The following DGKK variants were observed in gnomAD, a reference collection of about 807,000 sequenced individuals.
DGKK encodes diacylglycerol kinase kappa.
In DGKK, 35 loss-of-function variants were observed where a neutral mutation model predicts 92.2. The observed-to-expected ratio is 0.38, with a 90% confidence interval of 0.29 to 0.50. The LOEUF is 0.50. DGKK is among the 20% of genes least tolerant of loss of function. The pLI is 0.92. For missense variants in DGKK, 910 were observed against 992.2 expected, an observed-to-expected ratio of 0.92 and a Z score of 1.11; for synonymous variants, 368 against 360.6, an observed-to-expected ratio of 1.02 and a Z score of -0.23.
At chrX:50,426,379 T>C (rs1276386252) in intron 1 of DGKK, among the ~76,000 whole-genome samples, 5 of 112,369 alleles carry the variant, frequency 4.4e-5, no homozygotes, top group Non-Finnish European at 9.4e-5. Context: ...CAAAAATCTT[T>C]CAATTTATAA....
intron 10 of DGKK, among the ~76,000 whole-genome samples, 171 bp downstream of exon 10, chrX:50,392,170 G>A (rs1557225611): frequency 8.9e-6 from 1 of 112,493 alleles, no homozygotes; most frequent in Non-Finnish European, 1.9e-5. Flanking sequence ...CCAGAAAACA[G>A]TGTAGATGAG....
chrX:50,374,788 A>G (rs1405357369), intron 25 of DGKK, among the ~76,000 whole-genome samples, 183 bp downstream of exon 25: 1 of 111,222 alleles, frequency 9.0e-6, no homozygotes, highest in Non-Finnish European at 1.9e-5. Flanking sequence ...GTCCCTGTGG[A>G]TTAGCATAAC....
intron 1 of DGKK, among the ~76,000 whole-genome samples, chrX:50,427,621 A>C (rs905260011): frequency 9.6e-6 from 1 of 104,648 alleles, no homozygotes; most frequent in Admixed American, 1.0e-4. Context: ...TGATTGTCTC[A>C]GGACCTTGGT....
chrX:50,431,484 G>A (rs191340629), intron 1 of DGKK, among the ~76,000 whole-genome samples: 128 of 111,671 alleles, frequency 1.1e-3, no homozygotes, highest in African/African-American at 4.0e-3. Flanking sequence ...CTGCTCTTCC[G>A]TTTTAATTTC....
At chrX:50,370,573 C>G (rs376700599) in intron 26 of DGKK, 24 bp from the exon 27 acceptor site, 95 of 1,183,048 alleles carry the variant, frequency 8.0e-5, no homozygotes, top group Non-Finnish European at 1.0e-4. Flanking sequence ...AGAGGAAGGT[C>G]AAAATGTTAG....
chrX:50,439,709 C>T (rs1557231125), intron 1 of DGKK, among the ~76,000 whole-genome samples: 2 of 111,024 alleles, frequency 1.8e-5, no homozygotes. Context: ...TGGATTAGTC[C>T]ATGCAAGCAC....
At chrX:50,409,340 C>T (rs782697462) in intron 4 of DGKK, among the ~76,000 whole-genome samples, 1 of 110,499 alleles carries the variant, frequency 9.0e-6, no homozygotes, top group Non-Finnish European at 1.9e-5. Context: ...AAAATCCTCC[C>T]CTAAATCTTA....
chrX:50,370,371 A>G, intron 27 of DGKK, 55 bp downstream of exon 27: 1 of 1,149,363 alleles, frequency 8.7e-7, no homozygotes, highest in Non-Finnish European at 1.2e-6. Flanking sequence ...CCTGGGAGGT[A>G]GCCAGGCTGT....
At chrX:50,460,872 G>T (rs1557233274) in intron 1 of DGKK, among the ~76,000 whole-genome samples, 2 of 103,935 alleles carry the variant, frequency 1.9e-5, no homozygotes, top group African/African-American at 7.2e-5. Context: ...GTAACTTCTT[G>T]TTAAAGAGAC....
At chrX:50,429,738 C>A (rs1028819951) in intron 1 of DGKK, among the ~76,000 whole-genome samples, 16 of 112,613 alleles carry the variant, frequency 1.4e-4, no homozygotes, top group African/African-American at 5.2e-4. Context: ...CATACTAGAA[C>A]TCTTAATGAG....
At chrX:50,392,301 C>T in intron 10 of DGKK, 40 bp downstream of exon 10, 1 of 1,085,578 alleles carries the variant, frequency 9.2e-7, no homozygotes, top group Non-Finnish European at 1.3e-6. Flanking sequence ...CACCCCTACT[C>T]TTTCTAGCAA....
At chrX:50,379,553 G>A in intron 20 of DGKK, 74 bp downstream of exon 20, 1 of 894,552 alleles carries the variant, frequency 1.1e-6, no homozygotes, top group South Asian at 2.1e-5. Context: ...ACTTCAGTTA[G>A]CACAATGCTT....
chrX:50,375,071 A>T lies in DGKK; in HGVS notation c.3415-14T>A. ...TCTGCTTAGAGTCTGAGAGGAAAAG[A>T]ACGGAAAAGGAGAGAAAAAGACAAA... On this transcript the variant is annotated splice_polypyrimidine_tract_variant and intron_variant, in intron 24 of 27. Coordinates refer to ENST00000611977, the MANE Select transcript of DGKK (RefSeq NM_001013742.4). The T allele has an allele frequency of 8.5e-7, 1 of 1,170,166 alleles. No homozygotes were observed. Among genetic ancestry groups the T allele is most frequent in the Non-Finnish European group, 1.2e-6 (1 of 860,552 alleles).
At chrX:50,451,268 C>T (rs1241701547) in intron 1 of DGKK, among the ~76,000 whole-genome samples, 1 of 111,305 alleles carries the variant, frequency 9.0e-6, no homozygotes, top group Non-Finnish European at 1.9e-5. Flanking sequence ...GTGAAAAGAG[C>T]TTCTTTCAGG....
intron 1 of DGKK, among the ~76,000 whole-genome samples, chrX:50,441,682 T>C (rs1210245888): frequency 1.8e-5 from 2 of 111,702 alleles, no homozygotes; most frequent in Non-Finnish European, 3.8e-5. Context: ...TAGATACACT[T>C]AGAGAGTGCT....
chrX:50,445,125 T>A (rs1388158806), intron 1 of DGKK, among the ~76,000 whole-genome samples: 101 of 103,820 alleles, frequency 9.7e-4, no homozygotes, highest in African/African-American at 3.4e-3. Context: ...TGCCCACTTT[T>A]TTTTTTTTTT....
chrX:50,465,094 T>C (rs1557233835), intron 1 of DGKK, among the ~76,000 whole-genome samples: 1 of 111,853 alleles, frequency 8.9e-6, no homozygotes, highest in African/African-American at 3.2e-5. Flanking sequence ...AGATTAAGCA[T>C]GAGCCATGAA....
chrX:50,397,459 T>C (rs1557226221), intron 8 of DGKK, among the ~76,000 whole-genome samples: 1 of 111,445 alleles, frequency 9.0e-6, no homozygotes, highest in Admixed American at 9.5e-5. Context: ...CACAGAGAGG[T>C]TAAGTAACTT....
intron 4 of DGKK, among the ~76,000 whole-genome samples, chrX:50,405,159 G>A (rs1438481209): frequency 7.2e-5 from 8 of 111,741 alleles, no homozygotes; most frequent in African/African-American, 2.0e-4. Context: ...CATTCTTTTT[G>A]GTGTCCTCTT....
Sources: gnomAD v4.1 joint callset for allele counts (sites outside exome capture counted in the v4.1 genomes callset) on GRCh38, gnomAD v4.1.1 for gene constraint, MANE v1.5 for transcripts, NCBI Gene and HGNC (gene_info 2026-07-23, HGNC 2026-07-21) for gene names.